Variants in ADGRB3 observed in about 807,000 individuals in gnomAD.
The protein encoded by ADGRB3 is adhesion G protein-coupled receptor B3, also known as brain-specific angiogenesis inhibitor 3.
ADGRB3 carries 37 observed loss-of-function variants against 193.4 expected under a neutral mutation model. That is an observed-to-expected ratio of 0.19 (90% CI 0.15 to 0.25). The LOEUF is 0.25. ADGRB3 is among the 10% of genes least tolerant of loss of function. ADGRB3 has a pLI of 1.00. For missense variants in ADGRB3, 1,637 were observed against 1,852.9 expected (o/e 0.88, Z 2.14); for synonymous variants, 690 against 644.2 (o/e 1.07, Z -1.08).
chr6:69,217,467 G>C (rs77441576), intron 17 of ADGRB3, among the ~76,000 whole-genome samples: 353 of 152,276 alleles, frequency 2.3e-3, no homozygotes, highest in African/African-American at 8.0e-3. Context: ...CTGCTTTTCT[G>C]CCCCTTATTT....
chr6:68,949,261 T>C (rs1354120524), intron 6 of ADGRB3, among the ~76,000 whole-genome samples: 2 of 152,132 alleles, frequency 1.3e-5, no homozygotes, highest in African/African-American at 4.8e-5. Context: ...ATACAAGCTG[T>C]GTCAGTCTGT....
intron 17 of ADGRB3, among the ~76,000 whole-genome samples, chr6:69,134,148 ATG>A (rs1169039451): frequency 6.6e-6 from 1 of 152,088 alleles, no homozygotes; most frequent in Admixed American, 6.6e-5. Context: ...AAGGATTTAA[ATG>A]GGACTCTGAG....
At chr6:69,119,712 G>A (rs1398860629) in intron 17 of ADGRB3, among the ~76,000 whole-genome samples, 1 of 152,190 alleles carries the variant, frequency 6.6e-6, no homozygotes, top group Non-Finnish European at 1.5e-5. Context: ...TGGCTGGAGT[G>A]CAATGAGCAG....
At chr6:69,345,634 C>A (rs1769068070) in intron 26 of ADGRB3, among the ~76,000 whole-genome samples, 1 of 151,984 alleles carries the variant, frequency 6.6e-6, no homozygotes, top group Admixed American at 6.6e-5. Context: ...TATGACAAAC[C>A]CACAGCCAAT....
intron 3 of ADGRB3, among the ~76,000 whole-genome samples, chr6:68,676,366 G>A (rs1043133587): frequency 6.9e-6 from 1 of 145,962 alleles, no homozygotes; most frequent in African/African-American, 2.6e-5. Context: ...ACTCCAGCCT[G>A]GCGACAGAGA....
At chr6:68,739,902 T>C (rs1765943903) in intron 3 of ADGRB3, among the ~76,000 whole-genome samples, 1 of 152,178 alleles carries the variant, frequency 6.6e-6, no homozygotes, top group Non-Finnish European at 1.5e-5. Flanking sequence ...TGTTTTTGTT[T>C]AACTTTGTGT....
intron 17 of ADGRB3, among the ~76,000 whole-genome samples, chr6:69,145,374 G>A (rs1774460308): frequency 6.6e-6 from 1 of 152,224 alleles, no homozygotes; most frequent in Non-Finnish European, 1.5e-5. Flanking sequence ...ACTGGGGAAT[G>A]TGGTGGCACC....
At chr6:69,383,001 C>A (rs2127239422) in intron 31 of ADGRB3, 66 bp downstream of exon 31, 1 of 1,087,568 alleles carries the variant, frequency 9.2e-7, no homozygotes, top group Non-Finnish European at 1.3e-6. Context: ...TCCTGCCTTC[C>A]AGGACCTCCT....
chr6:68,987,311 T>C (rs1256617407), intron 10 of ADGRB3, among the ~76,000 whole-genome samples: 2 of 152,146 alleles, frequency 1.3e-5, no homozygotes, highest in Non-Finnish European at 2.9e-5. Flanking sequence ...TGAGTAAAAC[T>C]ACCTACAAAA....
chr6:69,012,237 A>G (rs1769959609), intron 11 of ADGRB3, among the ~76,000 whole-genome samples: 2 of 151,674 alleles, frequency 1.3e-5, no homozygotes. Flanking sequence ...TGTTTTCAGA[A>G]ATGGAGATGC....
At chr6:69,259,586 C>T (rs1246180263) in intron 20 of ADGRB3, among the ~76,000 whole-genome samples, 1 of 150,770 alleles carries the variant, frequency 6.6e-6, no homozygotes, top group Non-Finnish European at 1.5e-5. Context: ...GTCCCAGCTA[C>T]TCGGGAGGCT....
chr6:69,277,492 T>A (rs1027623998), intron 20 of ADGRB3, among the ~76,000 whole-genome samples: 2 of 152,008 alleles, frequency 1.3e-5, no homozygotes, highest in East Asian at 3.9e-4. Flanking sequence ...CACCAGGGAG[T>A]TGGCACACCC....
intron 17 of ADGRB3, among the ~76,000 whole-genome samples, chr6:69,172,907 C>A (rs1336735099): frequency 6.6e-6 from 1 of 152,062 alleles, no homozygotes; most frequent in Non-Finnish European, 1.5e-5. Context: ...AGAAAGAATG[C>A]TGGTATGTCT....
chr6:69,056,356 A>G (rs972018614), intron 15 of ADGRB3, among the ~76,000 whole-genome samples: 5 of 152,222 alleles, frequency 3.3e-5, no homozygotes, highest in African/African-American at 9.6e-5. Context: ...AGTTATTTAT[A>G]TATTCTGGAT....
At position 68,807,221 on chromosome 6, in the gene ADGRB3, CTTTTTT is replaced by C. The variant is rs1424223594; in HGVS notation, c.758-123337_758-123332del. On this transcript the variant is annotated intron_variant, in intron 3 of 31. Transcript: ENST00000370598. The stretch of plus-strand genomic sequence containing the variant: ...AAAATGGATGTTAATTTTTCTTTTT[CTTTTTT>C]CTTTTTTCTTTTTTTTTTTTTTTTT... Among the ~76,000 whole-genome samples, 60 of 105,538 alleles carry C rather than the reference CTTTTTT, an allele frequency of 5.7e-4. 2 individuals are homozygous for C. The Admixed American group carries it at 6.6e-3, about 12-fold the overall frequency. The allele number at this position is 105,538 out of a possible 152,430, so 69.2% of individuals were successfully genotyped here.
At chr6:68,667,491 T>C (rs1768831953) in intron 3 of ADGRB3, among the ~76,000 whole-genome samples, 1 of 151,972 alleles carries the variant, frequency 6.6e-6, no homozygotes, top group African/African-American at 2.4e-5. Context: ...TCTGAATTTA[T>C]ATCCGTAGAA....
chr6:68,956,648 A>G lies in ADGRB3; in HGVS notation c.1364A>G (p.Asn455Ser), dbSNP rs765638808. The change falls in exon 8 of 32, where the codon AAT becomes AGT. Residue 455 changes from asparagine (N) to serine (S), a missense_variant. Asn to Ser is a conservative substitution (Grantham distance 46, BLOSUM62 1). Around this residue, in one of 7 missense-constraint regions of ADGRB3, gnomAD observed 641 missense variants for 673.9 expected, o/e 0.95. Coordinates refer to ENST00000370598, the MANE Select transcript of ADGRB3 (RefSeq NM_001704.3). ...RECYNPECTA[N>S]GQWNQWGHWS... is the part of the protein sequence containing the mutation. ...GACCATGAAACATTTCTTTCAGCCA[A>G]TGGTCAATGGAATCAGTGGGGTCAT... is the stretch of plus-strand genomic sequence containing the variant. The G allele has an allele frequency of 7.4e-6, 12 of 1,613,766 alleles. No individual in the cohort carries two copies. In the Admixed American group the frequency reaches 1.5e-4, roughly 20 times the overall value.
At chr6:69,318,030 G>A (rs1186229465) in intron 20 of ADGRB3, among the ~76,000 whole-genome samples, 1 of 151,254 alleles carries the variant, frequency 6.6e-6, no homozygotes, top group Non-Finnish European at 1.5e-5. Context: ...TTCTAATAAG[G>A]AGATATATTA....
At chr6:69,218,459 C>T (rs1765819814) in intron 17 of ADGRB3, among the ~76,000 whole-genome samples, 1 of 152,066 alleles carries the variant, frequency 6.6e-6, no homozygotes. Flanking sequence ...TAAATGTGAA[C>T]AATAGTATTT....
Sources: gnomAD v4.1 joint callset for allele counts (sites outside exome capture counted in the v4.1 genomes callset) on GRCh38, gnomAD v4.1.1 for gene constraint, gnomAD v4.1.1 regional missense constraint, MANE v1.5 for transcripts, NCBI Gene and HGNC (gene_info 2026-07-23, HGNC 2026-07-21) for gene names.